The following TACSTD2 variants were observed in gnomAD, a reference collection of about 807,000 sequenced individuals.
TACSTD2 encodes the protein tumor-associated calcium signal transducer 2.
TACSTD2 carries 6 observed loss-of-function variants against 7.9 expected under a neutral mutation model. The ratio of observed to expected loss-of-function variants is 0.76; its 90% CI spans 0.42 to 1.50. The LOEUF (loss-of-function observed/expected upper bound fraction) is 1.50, where lower values mean the gene tolerates loss of function less well. Ranked by LOEUF, TACSTD2 falls within the 40% of genes most tolerant of loss-of-function variation. The probability of loss-of-function intolerance (pLI) is 0.01; values close to 1 mark genes in which losing one functional copy is unlikely to be tolerated. For synonymous variants in TACSTD2, 220 were observed against 225.5 expected (o/e 0.98, Z 0.22); for missense variants, 511 against 471.2 (o/e 1.08, Z -0.78).
rs114373153 is a variant in TACSTD2 at position 58,576,268 on chromosome 1, T to A, written c.889A>T (p.Ile297Phe). ...TTCCCCGACTTTCTCCGGTTGGTGA[T>A]CACCAGGACGGCCATGCCGGCGACG... ...ALVAGMAVLV[I>F]TNRRKSGKYK... The change falls in exon 1 of 1, where the codon ATC (isoleucine) becomes TTC (phenylalanine). Residue 297 changes from isoleucine (I) to phenylalanine (F), a missense_variant. Physicochemically the swap from Ile to Phe is conservative, Grantham distance 21. Coordinates refer to ENST00000371225, the MANE Select transcript of TACSTD2 (RefSeq NM_002353.3). 6.2e-7 allele frequency: 1 copy of A among 1,613,786 alleles called. No individual in the cohort carries two copies. The highest frequency in any genetic ancestry group is 8.5e-7 in the Non-Finnish European group (1 of 1,179,950).
chr1:58,575,905 A>G lies in TACSTD2; in HGVS notation c.*280T>C, dbSNP rs3551. On this transcript the variant is annotated 3_prime_UTR_variant, in exon 1 of 1. Transcript: ENST00000371225. ...ATACTTGTTTTTTACACATAACGCTATGCCATCCCTTCCTTCACTGCCCCA... is the reference window on the plus strand; with the variant it reads ...ATACTTGTTTTTTACACATAACGCTGTGCCATCCCTTCCTTCACTGCCCCA... 0.36 allele frequency: 174,228 copies of G among 482,600 alleles called. 36,824 individuals carry two copies. The highest frequency in any genetic ancestry group is 0.75 in the African/African-American group (38,496 of 51,494). 29.9% of individuals were successfully genotyped at this position (482,600 alleles called of 1,614,324 possible).
Position 58,576,741 on chromosome 1 carries a change from C to T in TACSTD2, c.416G>A (p.Gly139Asp), listed in dbSNP as rs1646885811. 6.2e-7 allele frequency: 1 copy of T among 1,600,294 alleles called. No individual in the cohort carries two copies. The highest frequency in any genetic ancestry group is 8.5e-7 in the Non-Finnish European group (1 of 1,179,198). Reference protein sequence around the residue: ...NSVGVRRTDKGDLSLRCDELV... With the variant: ...NSVGVRRTDKDDLSLRCDELV... ...CTCATCGCAGCGTAGGCTCAGGTCGCCCTTGTCCGTGCGGCGCACGCCCAC... is the reference window on the plus strand; with the variant it reads ...CTCATCGCAGCGTAGGCTCAGGTCGTCCTTGTCCGTGCGGCGCACGCCCAC... Residue 139 changes from glycine (G) to aspartate (D), a missense_variant, in exon 1 of 1, where the codon GGC (glycine) becomes GAC (aspartate). Gly to Asp is a moderately conservative substitution (Grantham distance 94). Transcript: ENST00000371225.
At position 58,576,719 on chromosome 1, in the gene TACSTD2, A is replaced by C. The variant is rs115606722; in HGVS notation, c.438T>G (p.Asp146Glu). The change falls in exon 1 of 1, where the codon GAT becomes GAG. Residue 146 changes from aspartate to glutamate, a missense_variant. By Grantham distance (45) the Asp-to-Glu change is conservative (BLOSUM62 2). Coordinates refer to ENST00000371225, the MANE Select transcript of TACSTD2 (RefSeq NM_002353.3). Reference sequence around the variant, plus strand: ...GGATGTGGTGGGTGCGCACCAGCTCATCGCAGCGTAGGCTCAGGTCGCCCT... The same window carrying C: ...GGATGTGGTGGGTGCGCACCAGCTCCTCGCAGCGTAGGCTCAGGTCGCCCT... ...TDKGDLSLRCDELVRTHHILI... is the reference protein window; with the variant it reads ...TDKGDLSLRCEELVRTHHILI... 5.0e-4 allele frequency: 793 copies of C among 1,601,116 alleles called. 4 individuals carry two copies. In the African/African-American group the frequency reaches 7.8e-3, roughly 16 times the overall value.
rs1280061079 is a variant in TACSTD2, at chr1:58,577,211, C to T, written c.-55G>A. ...GGGCGGATGAGGCGCGGGGACTCGTCGGGGCTCGGGCTCCGGCGTCTGGGA... is the reference window on the plus strand; with the variant it reads ...GGGCGGATGAGGCGCGGGGACTCGTTGGGGCTCGGGCTCCGGCGTCTGGGA... On this transcript the variant is annotated 5_prime_UTR_variant, in exon 1 of 1. Coordinates refer to ENST00000371225, the MANE Select transcript of TACSTD2 (RefSeq NM_002353.3). The T allele has an allele frequency of 1.7e-5, 23 of 1,319,844 alleles. No homozygotes were observed. The highest frequency in any genetic ancestry group is 4.4e-5 in the South Asian group (2 of 45,392). The allele number at this position is 1,319,844 out of a possible 1,614,324, so 81.8% of individuals were successfully genotyped here.
Position 58,576,596 on chromosome 1 carries a change from G to C in TACSTD2, c.561C>G (p.His187Gln), listed in dbSNP as rs1284666404. The change falls in exon 1 of 1, where the codon CAC becomes CAG. Residue 187 changes from histidine (H) to glutamine (Q), a missense_variant. Physicochemically the swap from His to Gln is conservative, Grantham distance 24. Coordinates refer to ENST00000371225, the MANE Select transcript of TACSTD2 (RefSeq NM_002353.3). ...RRLFRERYRL[H>Q]PKFVAAVHYE... ...AGTGCACGGCCGCCACGAACTTGGG[G>C]TGCAGCCGATAGCGCTCGCGGAAGA... 4 of 1,612,408 alleles carry C rather than the reference G, an allele frequency of 2.5e-6. No individual in the cohort carries two copies. In the Admixed American group the frequency reaches 6.7e-5, roughly 27 times the overall value.
Position 58,575,795 on chromosome 1 carries a change from G to A in TACSTD2, c.*390C>T, listed in dbSNP as rs1160847769. The A allele has an allele frequency of 1.4e-5, 3 of 208,006 alleles. No homozygotes were observed. Among genetic ancestry groups the A allele is most frequent in the Admixed American group, 5.3e-5 (1 of 18,994 alleles). 12.9% of individuals were successfully genotyped at this position (208,006 alleles called of 1,614,324 possible). A position where few individuals can be genotyped will look rare whatever the true frequency, so the allele number is the denominator to read the frequency against. On this transcript the variant is annotated 3_prime_UTR_variant, in exon 1 of 1. Transcript: ENST00000371225. ...AATTTAAACCCAAGGCGATAACAAC[G>A]CTATTTCCCATCTAAACTCATTTAA...
At position 58,577,130 on chromosome 1, in the gene TACSTD2, C is replaced by T. The variant is rs1426969461; in HGVS notation, c.27G>A (p.Pro9=). Residue 9 remains proline, a synonymous_variant, in exon 1 of 1, where the codon CCG becomes CCA. Transcript: ENST00000371225. MARGPGLA[P]PPLRLPLLLL... is the part of the protein sequence containing the mutation. ...GCAGCAGCGGCAGCCGCAGCGGTGG[C>T]GGCGCGAGGCCGGGGCCCCGAGCCA... The T allele has an allele frequency of 1.4e-6, 2 of 1,395,354 alleles. No homozygotes were observed. Among genetic ancestry groups the T allele is most frequent in the Non-Finnish European group, 9.2e-7 (1 of 1,086,116 alleles). 86.4% of individuals were successfully genotyped at this position (1,395,354 alleles called of 1,614,324 possible).
At position 58,577,000 on chromosome 1, in the gene TACSTD2, AGCGGCC is replaced by A; in HGVS notation, c.151_156del (p.Gly51_Arg52del). The stretch of plus-strand genomic sequence containing the variant: ...CCCGAGCCCAGCGCGCGGCACTGGC[AGCGGCC>A]GCCGGGGCCGTCGGGGCTGCACACG... On this transcript the variant is annotated inframe_deletion, in exon 1 of 1. Coordinates refer to ENST00000371225, the MANE Select transcript of TACSTD2 (RefSeq NM_002353.3). The A allele has an allele frequency of 6.4e-7, 1 of 1,568,046 alleles. No individual in the cohort carries two copies. Among genetic ancestry groups the A allele is most frequent in the African/African-American group, 1.4e-5 (1 of 73,948 alleles).
In TACSTD2 at chr1:58,576,801, C is replaced by A; in HGVS notation, c.356G>T (p.Cys119Phe). ...DPEGRFKARQ[C>F]NQTSVCWCVN... ...GCACCAGCACACCGACGTCTGGTTG[C>A]ACTGGCGCGCCTTGAAGCGGCCCTC... The change falls in exon 1 of 1, where the codon TGC becomes TTC. Residue 119 changes from cysteine (C) to phenylalanine (F), a missense_variant. Transcript: ENST00000371225. 1 of 1,597,360 alleles carries A rather than the reference C, an allele frequency of 6.3e-7. No individual in the cohort carries two copies. The highest frequency in any genetic ancestry group is 8.5e-7 in the Non-Finnish European group (1 of 1,178,166).
In TACSTD2 at chr1:58,577,158, G is replaced by A; in HGVS notation, c.-2C>T. On this transcript the variant is annotated 5_prime_UTR_variant, in exon 1 of 1. Coordinates refer to ENST00000371225, the MANE Select transcript of TACSTD2 (RefSeq NM_002353.3). ...CGCGAGGCCGGGGCCCCGAGCCATG[G>A]TGGGGCGGAGGAACGCGGACCGGAC... 2 of 1,366,664 alleles carry A rather than the reference G, an allele frequency of 1.5e-6. No homozygotes were observed. Among genetic ancestry groups the A allele is most frequent in the Non-Finnish European group, 1.9e-6 (2 of 1,069,866 alleles). 84.7% of individuals were successfully genotyped at this position (1,366,664 alleles called of 1,614,324 possible).
Position 58,576,936 on chromosome 1 carries a change from A to G in TACSTD2, c.221T>C (p.Leu74Pro). Residue 74 changes from leucine to proline, a missense_variant, in exon 1 of 1, where the codon CTG (leucine) becomes CCG (proline). Transcript: ENST00000371225. Reference sequence around the variant, plus strand: ...GGCGCTCATGCGCGCCTTGAGCAGCAGACACTTGGAGGTCAGCGTGGAGCA... The same window carrying G: ...GGCGCTCATGCGCGCCTTGAGCAGCGGACACTTGGAGGTCAGCGTGGAGCA... ...VDCSTLTSKCLLLKARMSAPK... is the reference protein window; with the variant it reads ...VDCSTLTSKCPLLKARMSAPK... 6.3e-7 allele frequency: 1 copy of G among 1,587,592 alleles called. No homozygotes were observed.
chr1:58,576,582 G>T lies in TACSTD2; in HGVS notation c.575C>A (p.Ala192Glu), dbSNP rs761334700. 1 of 1,612,138 alleles carries T rather than the reference G, an allele frequency of 6.2e-7. No homozygotes were observed. Among genetic ancestry groups the T allele is most frequent in the South Asian group, 1.1e-5 (1 of 90,890 alleles). ...GGTGGGCTGCTCGTAGTGCACGGCC[G>T]CCACGAACTTGGGGTGCAGCCGATA... The part of the protein sequence containing the change: ...ERYRLHPKFV[A>E]AVHYEQPTIQ... The change falls in exon 1 of 1, where the codon GCG becomes GAG. Residue 192 changes from alanine (A) to glutamate (E), a missense_variant. Ala to Glu is a moderately radical substitution (Grantham distance 107, BLOSUM62 -1). Transcript: ENST00000371225.
Position 58,576,087 on chromosome 1 carries a change from G to T in TACSTD2, c.*98C>A. On this transcript the variant is annotated 3_prime_UTR_variant, in exon 1 of 1. Transcript: ENST00000371225. ...AAGGCAGGAATTTGAAAGGATAAACGTCTCCTTTGCGCCGAGGAATCAGGA... is the reference window on the plus strand; with the variant it reads ...AAGGCAGGAATTTGAAAGGATAAACTTCTCCTTTGCGCCGAGGAATCAGGA... 7.0e-7 allele frequency: 1 copy of T among 1,430,774 alleles called. No individual in the cohort carries two copies. Among genetic ancestry groups the T allele is most frequent in the Non-Finnish European group, 9.4e-7 (1 of 1,062,312 alleles). 88.6% of individuals were successfully genotyped at this position (1,430,774 alleles called of 1,614,324 possible).
Position 58,576,712 on chromosome 1 carries a change from C to G in TACSTD2, c.445G>C (p.Val149Leu). 1 of 1,601,348 alleles carries G rather than the reference C, an allele frequency of 6.2e-7. No individual in the cohort carries two copies. The highest frequency in any genetic ancestry group is 1.1e-5 in the South Asian group (1 of 90,872). The change falls in exon 1 of 1, where the codon GTG (valine) becomes CTG (leucine). Residue 149 changes from valine to leucine, a missense_variant. Transcript: ENST00000371225. Reference protein sequence around the residue: ...GDLSLRCDELVRTHHILIDLR... With the variant: ...GDLSLRCDELLRTHHILIDLR... ...TCAATGAGGATGTGGTGGGTGCGCA[C>G]CAGCTCATCGCAGCGTAGGCTCAGG...
rs1646885166 is a variant in TACSTD2, at chr1:58,576,679, G to GGC, written c.476_477dup (p.His160AlafsTer18). On this transcript the variant is annotated frameshift_variant, in exon 1 of 1. Transcript: ENST00000371225. LOFTEE classifies it high-confidence loss of function. ...TTGAAGGCGCCGGCGGTGGGGCGGT[G>GGC]GCGCAGGTCAATGAGGATGTGGTGG... is the stretch of plus-strand genomic sequence containing the variant. 1 of 1,601,578 alleles carries GGC rather than the reference G, an allele frequency of 6.2e-7. No homozygotes were observed. Among genetic ancestry groups the GGC allele is most frequent in the African/African-American group, 1.3e-5 (1 of 74,848 alleles).
At position 58,576,666 on chromosome 1, in the gene TACSTD2, G is replaced by C. The variant is rs1646885029; in HGVS notation, c.491C>G (p.Ala164Gly). Residue 164 changes from alanine to glycine, a missense_variant, in exon 1 of 1, where the codon GCC (alanine) becomes GGC (glycine). Physicochemically the swap from Ala to Gly is moderately conservative, Grantham distance 60. Coordinates refer to ENST00000371225, the MANE Select transcript of TACSTD2 (RefSeq NM_002353.3). ...ILIDLRHRPT[A>G]GAFNHSDLDA... The stretch of plus-strand genomic sequence containing the variant: ...CAGGTCTGAGTGGTTGAAGGCGCCG[G>C]CGGTGGGGCGGTGGCGCAGGTCAAT... 6.2e-7 allele frequency: 1 copy of C among 1,602,764 alleles called. No homozygotes were observed.
rs1479691692 is a variant in TACSTD2 at position 58,577,248 on chromosome 1, C to G, written c.-92G>C. 1 of 1,296,058 alleles carries G rather than the reference C, an allele frequency of 7.7e-7. No homozygotes were observed. The highest frequency in any genetic ancestry group is 3.2e-5 in the East Asian group (1 of 31,020). 80.3% of individuals were successfully genotyped at this position (1,296,058 alleles called of 1,614,324 possible). A position where few individuals can be genotyped will look rare whatever the true frequency, so the allele number is the denominator to read the frequency against. The stretch of plus-strand genomic sequence containing the variant: ...TCCGGCGTCTGGGATGGTCTGCAGG[C>G]GTCTGCCGCCCGGCCGCTCCCTCCG... On this transcript the variant is annotated 5_prime_UTR_variant, in exon 1 of 1. Transcript: ENST00000371225.
chr1:58,575,901 C>T lies in TACSTD2; in HGVS notation c.*284G>A. On this transcript the variant is annotated 3_prime_UTR_variant, in exon 1 of 1. Transcript: ENST00000371225. ...ACAGATACTTGTTTTTTACACATAA[C>T]GCTATGCCATCCCTTCCTTCACTGC... 2.1e-6 allele frequency: 1 copy of T among 471,622 alleles called. No homozygotes were observed. Among genetic ancestry groups the T allele is most frequent in the South Asian group, 2.9e-5 (1 of 34,406 alleles). The allele number at this position is 471,622 out of a possible 1,614,324, so 29.2% of individuals were successfully genotyped here.
chr1:58,576,080 G>A lies in TACSTD2; in HGVS notation c.*105C>T, dbSNP rs1646877993. Reference sequence around the variant, plus strand: ...GAGGGGGAAGGCAGGAATTTGAAAGGATAAACGTCTCCTTTGCGCCGAGGA... The same window carrying A: ...GAGGGGGAAGGCAGGAATTTGAAAGAATAAACGTCTCCTTTGCGCCGAGGA... On this transcript the variant is annotated 3_prime_UTR_variant, in exon 1 of 1. Coordinates refer to ENST00000371225, the MANE Select transcript of TACSTD2 (RefSeq NM_002353.3). 4.3e-6 allele frequency: 6 copies of A among 1,408,992 alleles called. No homozygotes were observed. The highest frequency in any genetic ancestry group is 1.4e-5 in the South Asian group (1 of 71,804). The allele number at this position is 1,408,992 out of a possible 1,614,324, so 87.3% of individuals were successfully genotyped here. A position where few individuals can be genotyped will look rare whatever the true frequency, so the allele number is the denominator to read the frequency against.
Sources: gnomAD v4.1 joint callset for allele counts on GRCh38, gnomAD v4.1.1 for gene constraint, MANE v1.5 for transcripts, NCBI Gene and HGNC (gene_info 2026-07-23, HGNC 2026-07-21) for gene names.